The following TRMT11 variants were observed in gnomAD, a reference collection of about 807,000 sequenced individuals.
The protein encoded by TRMT11 is tRNA methyltransferase 11.
Under a neutral mutation model 62.8 loss-of-function variants are expected in TRMT11, and 53 were observed. That is an observed-to-expected ratio of 0.84 (90% CI 0.68 to 1.06). TRMT11 has a LOEUF of 1.06. TRMT11 is among the 50% of genes least tolerant of loss of function. The pLI, the probability that TRMT11 is intolerant of heterozygous loss-of-function variation, is 0.00. For missense variants in TRMT11, 556 were observed against 553.4 expected, an observed-to-expected ratio of 1.00 and a Z score of -0.05; for synonymous variants, 188 against 190.3, an observed-to-expected ratio of 0.99 and a Z score of 0.10.
the TRMT11 span, among the ~76,000 whole-genome samples, chr6:126,269,234 A>C: frequency 2.1e-5 from 3 of 142,574 alleles, no homozygotes; most frequent in Admixed American, 7.1e-5. Context: ...ACTGCACTCC[A>C]GCCTGGGCGA....
At chr6:126,152,982 T>G (rs566749580) in intron 21 of TRMT11, among the ~76,000 whole-genome samples, 65 of 152,296 alleles carry the variant, frequency 4.3e-4, no homozygotes, top group African/African-American at 1.5e-3. Context: ...TGATGGAATT[T>G]CTTACACGCT....
downstream of TRMT11, among the ~76,000 whole-genome samples, chr6:126,043,322 C>T (rs868670298): frequency 1.2e-4 from 18 of 150,058 alleles, no homozygotes; most frequent in African/African-American, 3.2e-4. Flanking sequence ...TTTGTTCTTG[C>T]GATAGTTTAC....
chr6:126,138,214 A>G (rs912655261), intron 21 of TRMT11, among the ~76,000 whole-genome samples: 1 of 152,000 alleles, frequency 6.6e-6, no homozygotes, highest in Non-Finnish European at 1.5e-5. Flanking sequence ...TTAAAATACC[A>G]TGTTCACAAA....
intron 21 of TRMT11, among the ~76,000 whole-genome samples, chr6:126,131,732 T>C (rs1048951586): frequency 6.6e-6 from 1 of 152,084 alleles, no homozygotes; most frequent in African/African-American, 2.4e-5. Flanking sequence ...AGACATTGTT[T>C]TTCTAGCAAA....
intron 17 of TRMT11, among the ~76,000 whole-genome samples, chr6:126,101,565 G>C (rs4897169): frequency 0.65 from 99,007 of 152,018 alleles, 33,756 homozygotes; most frequent in East Asian, 0.96. Flanking sequence ...TCCTCCACAT[G>C]CTCTTATAGG....
At chr6:126,072,492 C>T (rs1393946130) in intron 17 of TRMT11, among the ~76,000 whole-genome samples, 1 of 152,168 alleles carries the variant, frequency 6.6e-6, no homozygotes, top group Non-Finnish European at 1.5e-5. Flanking sequence ...TCAAAAAATG[C>T]TTACTGAGTT....
At chr6:126,194,259 C>T (rs1343826084) in intron 1 of TRMT11, among the ~76,000 whole-genome samples, 3 of 152,098 alleles carry the variant, frequency 2.0e-5, no homozygotes, top group Non-Finnish European at 4.4e-5. Flanking sequence ...TTGAAGTCCC[C>T]TACTATTATT....
chr6:126,063,504 G>T (rs1776598454), intron 17 of TRMT11, among the ~76,000 whole-genome samples: 1 of 152,194 alleles, frequency 6.6e-6, no homozygotes, highest in South Asian at 2.1e-4. Flanking sequence ...TACAGTTGGA[G>T]ATTTTTTTCT....
intron 12 of TRMT11, among the ~76,000 whole-genome samples, chr6:126,024,452 G>A (rs1231112750): frequency 6.6e-6 from 1 of 152,154 alleles, no homozygotes; most frequent in African/African-American, 2.4e-5. Flanking sequence ...CTATCACCCA[G>A]GCTAGAATAC....
chr6:126,156,090 G>T (rs1195551019), intron 21 of TRMT11, among the ~76,000 whole-genome samples: 2 of 152,266 alleles, frequency 1.3e-5, no homozygotes, highest in East Asian at 3.9e-4. Flanking sequence ...CCCTCATCTA[G>T]GTCACACTGG....
chr6:126,169,609 TA>T (rs1778308052), intron 21 of TRMT11, among the ~76,000 whole-genome samples: 1 of 152,140 alleles, frequency 6.6e-6, no homozygotes, highest in Non-Finnish European at 1.5e-5. Context: ...TGTGGTAAAA[TA>T]TGTGGTCACC....
upstream of TRMT11, among the ~76,000 whole-genome samples, chr6:126,174,313 A>G (rs553306294): frequency 6.6e-6 from 1 of 152,348 alleles, no homozygotes; most frequent in South Asian, 2.1e-4. Context: ...AGACACATCT[A>G]CAGTCTTTGC....
At position 126,038,699 on chromosome 6, in the gene TRMT11, A is replaced by G; in HGVS notation, c.1261-6A>G. 6.5e-7 allele frequency: 1 copy of G among 1,542,954 alleles called. No homozygotes were observed. Among genetic ancestry groups the G allele is most frequent in the Non-Finnish European group, 8.7e-7 (1 of 1,152,674 alleles). On this transcript the variant is annotated splice_polypyrimidine_tract_variant and splice_region_variant and intron_variant, in intron 12 of 12. Transcript: ENST00000334379. Reference sequence around the variant, plus strand: ...TTTTTACATTTTGTATTTTCCAACCAAACAGAATCGGGACCAGTATTCACA... The same window carrying G: ...TTTTTACATTTTGTATTTTCCAACCGAACAGAATCGGGACCAGTATTCACA...
chr6:126,150,643 C>A (rs1778028172), intron 21 of TRMT11, among the ~76,000 whole-genome samples: 1 of 152,204 alleles, frequency 6.6e-6, no homozygotes, highest in Non-Finnish European at 1.5e-5. Flanking sequence ...CATGGATTGT[C>A]TGTGCTTACT....
chr6:126,213,462 TC>T, the TRMT11 span, among the ~76,000 whole-genome samples: 1 of 151,768 alleles, frequency 6.6e-6, no homozygotes, highest in Admixed American at 6.6e-5. Context: ...AATACTCACT[TC>T]TTTGGTTAAG....
At chr6:126,249,691 T>G in the TRMT11 span, among the ~76,000 whole-genome samples, 1 of 151,940 alleles carries the variant, frequency 6.6e-6, no homozygotes, top group Non-Finnish European at 1.5e-5. Context: ...GGTGTGAAAG[T>G]GTGGGGATAG....
At chr6:125,999,111 T>G (rs1031437132) in intron 6 of TRMT11, among the ~76,000 whole-genome samples, 2 of 152,128 alleles carry the variant, frequency 1.3e-5, no homozygotes, top group African/African-American at 4.8e-5. Flanking sequence ...CTCTGAGGCT[T>G]TAAATGGGTG....
downstream of TRMT11, among the ~76,000 whole-genome samples, chr6:126,208,278 T>C (rs1322712110): frequency 6.6e-6 from 1 of 152,202 alleles, no homozygotes; most frequent in African/African-American, 2.4e-5. Context: ...ATCCTATTCT[T>C]AGGAGACAAT....
chr6:126,092,655 T>C (rs763174149), intron 17 of TRMT11, among the ~76,000 whole-genome samples: 3 of 152,182 alleles, frequency 2.0e-5, no homozygotes, highest in Non-Finnish European at 4.4e-5. Context: ...CAACCTGAGC[T>C]TTTTGTTCTT....
Sources: allele counts gnomAD v4.1 joint callset (sites outside exome capture counted in the v4.1 genomes callset), GRCh38; gene constraint gnomAD v4.1.1; transcripts MANE v1.5; gene names NCBI Gene and HGNC (gene_info 2026-07-23, HGNC 2026-07-21).